The following MORC2 variants were observed in gnomAD, a reference collection of about 807,000 sequenced individuals.
The protein encoded by MORC2 is ATPase MORC2.
A neutral mutation model predicts 136.0 loss-of-function variants in MORC2; 30 were observed. That is an observed-to-expected ratio of 0.22 (90% CI 0.17 to 0.30). The LOEUF is 0.30. Ranked by LOEUF, MORC2 falls within the 10% of genes least tolerant of loss-of-function variation. The probability of loss-of-function intolerance (pLI) is 1.00; values close to 1 mark genes in which losing one functional copy is unlikely to be tolerated. For missense variants in MORC2, 922 were observed against 1,333.1 expected (o/e 0.69, Z 4.80); for synonymous variants, 439 against 487.0 (o/e 0.90, Z 1.30).
chr22:30,933,070 T>C (rs767964676), intron 21 of MORC2, 40 bp from the exon 22 acceptor site: 22 of 1,609,368 alleles, frequency 1.4e-5, no homozygotes, highest in Admixed American at 1.7e-5. Flanking sequence ...AAAACTAGCG[T>C]AGAGTCCCTC....
chr22:30,950,340 C>CCT, intron 4 of MORC2, 37 bp downstream of exon 4: 3 of 432,068 alleles, frequency 6.9e-6, no homozygotes, highest in South Asian at 2.3e-5. Flanking sequence ...TTACATCGCA[C>CCT]CCCCCCACCC....
chr22:30,957,066 G>GT (rs955320209), intron 2 of MORC2, among the ~76,000 whole-genome samples: 11 of 151,974 alleles, frequency 7.2e-5, no homozygotes, highest in Admixed American at 1.3e-4. Flanking sequence ...TGATTTTGTG[G>GT]TAAAAACATC....
Position 30,968,021 on chromosome 22 carries a change from T to C in MORC2, c.-132A>G. On this transcript the variant is annotated 5_prime_UTR_variant, in exon 1 of 26. Coordinates refer to ENST00000397641, the MANE Select transcript of MORC2 (RefSeq NM_001303256.3). ...CTCCTTAATGACAGTTAAAGTAACC[T>C]AGTAGCTATCCAAAATATATGCAGA... is the stretch of plus-strand genomic sequence containing the variant. 1 of 728,276 alleles carries C rather than the reference T, an allele frequency of 1.4e-6. No individual in the cohort carries two copies. Among genetic ancestry groups the C allele is most frequent in the Non-Finnish European group, 2.3e-6 (1 of 434,326 alleles). 45.1% of individuals were successfully genotyped at this position (728,276 alleles called of 1,614,324 possible). A position where few individuals can be genotyped will look rare whatever the true frequency, so the allele number is the denominator to read the frequency against.
At position 30,937,979 on chromosome 22, in the gene MORC2, G is replaced by A. The variant is rs765353448; in HGVS notation, c.1215-10C>T. The A allele has an allele frequency of 1.2e-6, 2 of 1,614,032 alleles. No homozygotes were observed. Among genetic ancestry groups the A allele is most frequent in the East Asian group, 2.2e-5 (1 of 44,880 alleles). ...AACCCCGCCACATGCCCTACAGGGAGAAAGAGAACAAGCTCTGTCACCCCA... is the reference window on the plus strand; with the variant it reads ...AACCCCGCCACATGCCCTACAGGGAAAAAGAGAACAAGCTCTGTCACCCCA... On this transcript the variant is annotated splice_polypyrimidine_tract_variant and intron_variant, in intron 13 of 25. Coordinates refer to ENST00000397641, the MANE Select transcript of MORC2 (RefSeq NM_001303256.3). The surrounding 1 kb of genome is among the most constrained non-coding windows in gnomAD (Gnocchi z 4.7).
rs533264812 is a variant in MORC2, at chr22:30,967,806, C to G, written c.68+16G>C. On this transcript the variant is annotated intron_variant, in intron 1 of 25. Transcript: ENST00000397641. ...CGAGTTACTGGTTACCTCAGTGGCA[C>G]CTAGAGGATACTTACGAATTTGTGT... 21 of 1,550,992 alleles carry G rather than the reference C, an allele frequency of 1.4e-5. No individual in the cohort carries two copies. In the East Asian group the frequency reaches 4.9e-4, roughly 36 times the overall value.
intron 25 of MORC2, 78 bp from the exon 26 acceptor site, chr22:30,926,949 T>A: frequency 1.6e-6 from 2 of 1,263,638 alleles, no homozygotes; most frequent in Non-Finnish European, 2.3e-6. Flanking sequence ...TTCTCTCAGC[T>A]CCTGGGATGG....
At chr22:30,967,536 AT>A in intron 1 of MORC2, 36 of 1,229,334 alleles carry the variant, frequency 2.9e-5, no homozygotes, top group Non-Finnish European at 3.6e-5. Context: ...TTGGATTCCT[AT>A]AAACACTTGA....
At position 30,941,062 on chromosome 22, in the gene MORC2, G is replaced by A. The variant is rs1602489989; in HGVS notation, c.825-225C>T. ...ATAAGCAACCTCACCATTCACCAGG[G>A]TTGTCATTCATCCCACAGCAGAAAC... On this transcript the variant is annotated intron_variant, in intron 9 of 25. Transcript: ENST00000397641. This position sits in a 1 kb window ranked among gnomAD's most constrained non-coding sequence, Gnocchi z 4.6. 6.6e-6 allele frequency among the ~76,000 whole-genome samples: 1 copy of A among 152,124 alleles called. No individual in the cohort carries two copies. The highest frequency in any genetic ancestry group is 1.5e-5 in the Non-Finnish European group (1 of 68,022).
Position 30,926,714 on chromosome 22 carries a change from C to T in MORC2, c.*89G>A, listed in dbSNP as rs998249595. 18 of 1,033,928 alleles carry T rather than the reference C, an allele frequency of 1.7e-5. No homozygotes were observed. The highest frequency in any genetic ancestry group is 8.0e-5 in the African/African-American group (5 of 62,644). The allele number at this position is 1,033,928 out of a possible 1,614,324, so 64.0% of individuals were successfully genotyped here. A position where few individuals can be genotyped will look rare whatever the true frequency, so the allele number is the denominator to read the frequency against. On this transcript the variant is annotated 3_prime_UTR_variant, in exon 26 of 26. Transcript: ENST00000397641. The stretch of plus-strand genomic sequence containing the variant: ...GTCCCGTGTAAGTCAAACCAAGGTG[C>T]GACCACCAACCCATGAATGAAGTCC...
chr22:30,932,697 T>C lies in MORC2; in HGVS notation c.2595A>G (p.Gln865=). The C allele has an allele frequency of 6.2e-7, 1 of 1,614,194 alleles. No individual in the cohort carries two copies. Among genetic ancestry groups the C allele is most frequent in the Non-Finnish European group, 8.5e-7 (1 of 1,180,026 alleles). ...PSPEHQSLDT[Q]QEGGEEEVGP... ...CCACCTCCTCCTCCCCGCCCTCCTG[T>C]TGTGTATCAAGGCTCTGATGTTCCG... The change falls in exon 23 of 26, where the codon CAA becomes CAG. Residue 865 remains glutamine, a synonymous_variant. Transcript: ENST00000397641. This position sits in a 1 kb window ranked among gnomAD's most constrained non-coding sequence, Gnocchi z 4.4.
At chr22:30,938,236 A>T (rs1408273530) in intron 12 of MORC2, 31 bp from the exon 13 acceptor site, 2 of 1,611,486 alleles carry the variant, frequency 1.2e-6, no homozygotes, top group South Asian at 2.2e-5. Flanking sequence ...AAGCAGATCT[A>T]CACATCGGCA....
rs762233089 is a variant in MORC2 at position 30,941,548 on chromosome 22, G to A, written c.709C>T (p.Arg237Trp). 3 of 1,613,076 alleles carry A rather than the reference G, an allele frequency of 1.9e-6. No homozygotes were observed. Among genetic ancestry groups the A allele is most frequent in the African/African-American group, 1.3e-5 (1 of 74,916 alleles). Residue 237 changes from arginine (R) to tryptophan (W), a missense_variant, in exon 9 of 26, where the codon CGG (arginine) becomes TGG (tryptophan). Transcript: ENST00000397641. This position sits in a 1 kb window ranked among gnomAD's most constrained non-coding sequence, Gnocchi z 4.6. ...ETSPEGTKPE[R>W]RSFRAYAAVL... ...GCGGCATAGGCACGGAACGAGCGCC[G>A]CTCTGGCTTCCTGGAGAGGGCAAAA...
intron 11 of MORC2, 83 bp from the exon 12 acceptor site, chr22:30,939,789 C>A (rs2040713784): frequency 7.1e-7 from 1 of 1,415,192 alleles, no homozygotes; most frequent in Non-Finnish European, 9.7e-7. Flanking sequence ...TAAGACATCT[C>A]AATTTATCTC....
Position 30,937,730 on chromosome 22 carries a change from T to A in MORC2, c.1370-19A>T. On this transcript the variant is annotated intron_variant, in intron 14 of 25. Coordinates refer to ENST00000397641, the MANE Select transcript of MORC2 (RefSeq NM_001303256.3). The surrounding 1 kb of genome is among the most constrained non-coding windows in gnomAD (Gnocchi z 4.7). The stretch of plus-strand genomic sequence containing the variant: ...CTCTGGGCTGGAAAGCAAACACCGA[T>A]ACATCATGTTAGGAGCCAGCCTCTC... The A allele has an allele frequency of 3.1e-6, 5 of 1,614,050 alleles. No homozygotes were observed. Among genetic ancestry groups the A allele is most frequent in the Non-Finnish European group, 4.2e-6 (5 of 1,179,990 alleles).
At position 30,926,057 on chromosome 22, in the gene MORC2, TCA is replaced by T. The variant is rs2040477669; in HGVS notation, c.*744_*745del. On this transcript the variant is annotated 3_prime_UTR_variant, in exon 26 of 26. Coordinates refer to ENST00000397641, the MANE Select transcript of MORC2 (RefSeq NM_001303256.3). ...TAAGGAGTCCTGTGGGGTTCCACAC[TCA>T]GTGTGCTGCCCAAGTCAGAGATTTA... 1 of 152,230 alleles carries T rather than the reference TCA, an allele frequency of 6.6e-6. No homozygotes were observed. Among genetic ancestry groups the T allele is most frequent in the African/African-American group, 2.4e-5 (1 of 41,422 alleles). The allele number at this position is 152,230 out of a possible 1,614,324, so 9.4% of individuals were successfully genotyped here.
rs1329518509 is a variant in MORC2 at position 30,932,030 on chromosome 22, T to C, written c.2841+329A>G. 2.6e-5 allele frequency among the ~76,000 whole-genome samples: 4 copies of C among 152,236 alleles called. No individual in the cohort carries two copies. Among genetic ancestry groups the C allele is most frequent in the African/African-American group, 9.6e-5 (4 of 41,466 alleles). On this transcript the variant is annotated intron_variant, in intron 24 of 25. Coordinates refer to ENST00000397641, the MANE Select transcript of MORC2 (RefSeq NM_001303256.3). The surrounding 1 kb of genome is among the most constrained non-coding windows in gnomAD (Gnocchi z 4.4). ...TGTTGCCTGGGACAGGTTTACTCCC[T>C]CTACTGGGGCAGAAGAAAGTGGGTA...
At chr22:30,963,042 G>A (rs1187403520) in intron 1 of MORC2, among the ~76,000 whole-genome samples, 3 of 151,672 alleles carry the variant, frequency 2.0e-5, no homozygotes, top group Non-Finnish European at 4.4e-5. Flanking sequence ...GGTGCGATCG[G>A]CTCACTGCAA....
chr22:30,956,006 C>CAAAAAAAA, intron 3 of MORC2, among the ~76,000 whole-genome samples: 1 of 51,536 alleles, frequency 1.9e-5, no homozygotes, highest in Non-Finnish European at 4.0e-5. Context: ...GACTCCATCT[C>CAAAAAAAA]AAAAAAAAAA....
chr22:30,941,694 C>CA lies in MORC2; in HGVS notation c.699-137_699-136insT. On this transcript the variant is annotated intron_variant, in intron 8 of 25. Coordinates refer to ENST00000397641, the MANE Select transcript of MORC2 (RefSeq NM_001303256.3). The surrounding 1 kb of genome is among the most constrained non-coding windows in gnomAD (Gnocchi z 4.6). ...TCTGCTGCTGCCCTGAACTGGTGCT[C>CA]CCTTAGTGTGAGCACCACATCCCGC... 1 of 1,334,566 alleles carries CA rather than the reference C, an allele frequency of 7.5e-7. No individual in the cohort carries two copies. The highest frequency in any genetic ancestry group is 1.0e-6 in the Non-Finnish European group (1 of 980,988). 82.7% of individuals were successfully genotyped at this position (1,334,566 alleles called of 1,614,324 possible). A position where few individuals can be genotyped will look rare whatever the true frequency, so the allele number is the denominator to read the frequency against.
Sources: allele counts gnomAD v4.1 joint callset (sites outside exome capture counted in the v4.1 genomes callset), GRCh38; gene constraint gnomAD v4.1.1; non-coding constraint Gnocchi (gnomAD v3.1); transcripts MANE v1.5; gene names NCBI Gene and HGNC (gene_info 2026-07-23, HGNC 2026-07-21).